The following HSPA9 variants were observed in gnomAD, a reference collection of about 807,000 sequenced individuals.
HSPA9 encodes heat shock protein family A (Hsp70) member 9.
HSPA9 carries 28 observed loss-of-function variants against 81.5 expected under a neutral mutation model. The ratio of observed to expected loss-of-function variants is 0.34; its 90% CI spans 0.25 to 0.47. HSPA9 has a LOEUF of 0.47. HSPA9 is among the 20% of genes least tolerant of loss of function. The probability of loss-of-function intolerance (pLI) is 1.00; values close to 1 mark genes in which losing one functional copy is unlikely to be tolerated. For synonymous variants in HSPA9, 293 were observed against 290.4 expected (o/e 1.01, Z -0.09); for missense variants, 678 against 838.0 (o/e 0.81, Z 2.36).
At chr5:138,570,791 A>G in intron 4 of HSPA9, 169 bp downstream of exon 4, 1 of 683,868 alleles carries the variant, frequency 1.5e-6, no homozygotes, top group Non-Finnish European at 2.6e-6. Context: ...GCCAAAAATG[A>G]ATTTTTTAAA....
chr5:138,570,926 CTG>C, intron 4 of HSPA9, 32 bp downstream of exon 4: 1 of 1,605,018 alleles, frequency 6.2e-7, no homozygotes, highest in Non-Finnish European at 8.5e-7. Context: ...TTGCAAATAA[CTG>C]CTTTTTGCAA....
intron 4 of HSPA9, among the ~76,000 whole-genome samples, chr5:138,570,395 T>G (rs1033831150): frequency 1.3e-5 from 2 of 152,220 alleles, no homozygotes; most frequent in African/African-American, 4.8e-5. Context: ...TTCTGCCTTA[T>G]GTATTCAACA....
rs753492112 is a variant in HSPA9 at position 138,571,175 on chromosome 5, G to A, written c.229-34C>T. 2.5e-6 allele frequency: 4 copies of A among 1,603,902 alleles called. No homozygotes were observed. In the Admixed American group the frequency reaches 5.0e-5, roughly 20 times the overall value. On this transcript the variant is annotated intron_variant, in intron 3 of 16. Transcript: ENST00000297185. ...CCAAAATGTGATAGAGAGTAAGTTT[G>A]TAGTTATCACTGGTATGTTTTTTGA...
intron 9 of HSPA9, among the ~76,000 whole-genome samples, chr5:138,562,024 C>A (rs183477653): frequency 6.6e-6 from 1 of 151,514 alleles, no homozygotes; most frequent in East Asian, 2.0e-4. Context: ...CTGCAACCTC[C>A]GCCTCCCAGG....
rs967661739 is a variant in HSPA9 at position 138,554,311 on chromosome 5, T to C, written c.*1726A>G. On this transcript the variant is annotated 3_prime_UTR_variant, in exon 17 of 17. Transcript: ENST00000297185. ...GCCAGTAGTTCTCAACTGGAGTACT[T>C]TGGAAATCCTGGAGGGCTTTTAAAG... 6.6e-6 allele frequency among the ~76,000 whole-genome samples: 1 copy of C among 152,136 alleles called. No individual in the cohort carries two copies. Among genetic ancestry groups the C allele is most frequent in the African/African-American group, 2.4e-5 (1 of 41,418 alleles).
intron 5 of HSPA9, among the ~76,000 whole-genome samples, chr5:138,568,399 G>A (rs1750812296): frequency 6.6e-6 from 1 of 151,350 alleles, no homozygotes; most frequent in Non-Finnish European, 1.5e-5. Flanking sequence ...TACGTTGGGG[G>A]GGAGGGAGAG....
intron 10 of HSPA9, chr5:138,560,661 C>T (rs565634715): frequency 6.0e-5 from 13 of 217,322 alleles, no homozygotes; most frequent in South Asian, 4.4e-4. Context: ...CCTGCGTTCA[C>T]GCCATTCTCC....
In HSPA9 at chr5:138,574,062, A is replaced by T; in HGVS notation, c.140+6T>A. The T allele has an allele frequency of 6.2e-7, 1 of 1,602,572 alleles. No individual in the cohort carries two copies. The highest frequency in any genetic ancestry group is 8.6e-7 in the Non-Finnish European group (1 of 1,169,492). ...TCCCTCTCAAAGGAAATGATATTATACTTACGCATAATCCCGCCTTGAAAC... is the reference window on the plus strand; with the variant it reads ...TCCCTCTCAAAGGAAATGATATTATTCTTACGCATAATCCCGCCTTGAAAC... On this transcript the variant is annotated splice_donor_region_variant and intron_variant, in intron 2 of 16. Coordinates refer to ENST00000297185, the MANE Select transcript of HSPA9 (RefSeq NM_004134.7).
intron 14 of HSPA9, chr5:138,557,181 T>G (rs1043321250): frequency 1.6e-6 from 1 of 616,304 alleles, no homozygotes; most frequent in Admixed American, 2.9e-5. Flanking sequence ...ATGTCCAAAC[T>G]CTCCCACTTT....
rs765691285 is a variant in HSPA9, at chr5:138,575,197, C to G, written c.81+41G>C. On this transcript the variant is annotated intron_variant, in intron 1 of 16. Coordinates refer to ENST00000297185, the MANE Select transcript of HSPA9 (RefSeq NM_004134.7). ...CGCAGCGAAGCCCGAGGCCCAAGGCCCGAGGCCGTGACCCCATTCGGGAAG... is the reference window on the plus strand; with the variant it reads ...CGCAGCGAAGCCCGAGGCCCAAGGCGCGAGGCCGTGACCCCATTCGGGAAG... The G allele has an allele frequency of 2.1e-6, 3 of 1,436,124 alleles. No homozygotes were observed. The South Asian group carries it at 3.6e-5, about 17-fold the overall frequency. The allele number at this position is 1,436,124 out of a possible 1,614,324, so 89.0% of individuals were successfully genotyped here. A position where few individuals can be genotyped will look rare whatever the true frequency, so the allele number is the denominator to read the frequency against.
rs1038042451 is a variant in HSPA9 at position 138,553,997 on chromosome 5, C to T, written c.*2040G>A. Among the ~76,000 whole-genome samples, 16 of 152,182 alleles carry T rather than the reference C, an allele frequency of 1.1e-4. No individual in the cohort carries two copies. The highest frequency in any genetic ancestry group is 9.8e-4 in the Admixed American group (15 of 15,284). ...GTGTTCCTGGTCACTGAAATTTTAC[C>T]CCAACAGCTTTCCCAGCAGTGGACT... On this transcript the variant is annotated 3_prime_UTR_variant, in exon 17 of 17. Transcript: ENST00000297185.
In HSPA9 at chr5:138,574,104, T is replaced by A. The variant is rs763648133; in HGVS notation, c.104A>T (p.His35Leu). 3 of 1,613,886 alleles carry A rather than the reference T, an allele frequency of 1.9e-6. No individual in the cohort carries two copies. In the East Asian group the frequency reaches 6.7e-5, roughly 36 times the overall value. ...CCTTGAAACAAGTCTAAAAGCCTCA[T>A]GACTAAGGCCATTCCAGCTATCCTA... ...RHQDSWNGLS[H>L]EAFRLVSRRD... is the part of the protein sequence containing the mutation. The change falls in exon 2 of 17, where the codon CAT (histidine) becomes CTT (leucine). Residue 35 changes from histidine (H) to leucine (L), a missense_variant. By Grantham distance (99) the His-to-Leu change is moderately conservative. This residue lies in a region of HSPA9 where 89 missense variants were observed against 70.4 expected (regional missense o/e 1.27). Coordinates refer to ENST00000297185, the MANE Select transcript of HSPA9 (RefSeq NM_004134.7).
Position 138,567,490 on chromosome 5 carries a change from A to G in HSPA9, c.681T>C (p.Ala227=), listed in dbSNP as rs745870722. The G allele has an allele frequency of 1.2e-6, 2 of 1,613,988 alleles. No homozygotes were observed. The highest frequency in any genetic ancestry group is 1.3e-5 in the African/African-American group (1 of 74,936). Residue 227 remains alanine (A), a synonymous_variant, in exon 7 of 17, where the codon GCT becomes GCC. Transcript: ENST00000297185. The stretch of plus-strand genomic sequence containing the variant: ...CTGATTTGTCTAGACCATAGGCAAG[A>G]GCAGCAGCTGTGGGCTCATTAATCA... ...LRVINEPTAA[A]LAYGLDKSED...
At chr5:138,574,869 C>G (rs1227966600) in intron 1 of HSPA9, 5 of 303,584 alleles carry the variant, frequency 1.6e-5, no homozygotes, top group Non-Finnish European at 3.1e-5. Flanking sequence ...TCCTTACACA[C>G]TCTGTATTCT....
At position 138,571,018 on chromosome 5, in the gene HSPA9, A is replaced by T. The variant is rs1427781624; in HGVS notation, c.352T>A (p.Tyr118Asn). The change falls in exon 4 of 17, where the codon TAT (tyrosine) becomes AAT (asparagine). Residue 118 changes from tyrosine (Y) to asparagine (N), a missense_variant. Around this residue, in one of 4 missense-constraint regions of HSPA9, gnomAD observed 484 missense variants for 647.5 expected, o/e 0.75. Transcript: ENST00000297185. ...CGGCCAATGAGACGCTTGGTAGCAT[A>T]AAATGTATTGTTTGGGTTGGTGACA... Reference protein sequence around the residue: ...QAVTNPNNTFYATKRLIGRRY... With the variant: ...QAVTNPNNTFNATKRLIGRRY... The T allele has an allele frequency of 1.9e-6, 3 of 1,614,142 alleles. No individual in the cohort carries two copies. The highest frequency in any genetic ancestry group is 1.7e-6 in the Non-Finnish European group (2 of 1,180,026).
At chr5:138,569,961 T>A (rs995350639) in intron 4 of HSPA9, among the ~76,000 whole-genome samples, 4 of 151,880 alleles carry the variant, frequency 2.6e-5, no homozygotes, top group Non-Finnish European at 4.4e-5. Flanking sequence ...TGGCATGATC[T>A]CAGCTCACTG....
chr5:138,566,821 A>G (rs1750776509), intron 8 of HSPA9, 103 bp from the exon 9 acceptor site: 3 of 1,104,088 alleles, frequency 2.7e-6, no homozygotes, highest in Admixed American at 1.7e-5. Context: ...ATACCTTTAT[A>G]TATAAGCATG....
chr5:138,569,632 AT>A, intron 4 of HSPA9, among the ~76,000 whole-genome samples: 1 of 141,908 alleles, frequency 7.0e-6, no homozygotes, highest in Non-Finnish European at 1.6e-5. Flanking sequence ...GAAGCCAGTC[AT>A]AGAGGTCCAC....
At chr5:138,569,404 A>G (rs1044012524) in intron 4 of HSPA9, among the ~76,000 whole-genome samples, 2 of 152,254 alleles carry the variant, frequency 1.3e-5, no homozygotes, top group African/African-American at 4.8e-5. Context: ...ACAAATGGAA[A>G]TATTTATGTC....
Sources: gnomAD v4.1 joint callset for allele counts (sites outside exome capture counted in the v4.1 genomes callset) on GRCh38, gnomAD v4.1.1 for gene constraint, gnomAD v4.1.1 regional missense constraint, MANE v1.5 for transcripts, NCBI Gene and HGNC (gene_info 2026-07-23, HGNC 2026-07-21) for gene names.